Variants in YES1 observed in about 807,000 individuals in gnomAD.
The protein encoded by YES1 is YES proto-oncogene 1, Src family tyrosine kinase.
A neutral mutation model predicts 70.4 loss-of-function variants in YES1; 39 were observed. That is an observed-to-expected ratio of 0.55 (90% CI 0.43 to 0.72). The LOEUF (loss-of-function observed/expected upper bound fraction) is 0.72. Ranked by LOEUF, YES1 falls within the 30% of genes least tolerant of loss-of-function variation. The probability of loss-of-function intolerance (pLI) is 0.00; values close to 1 mark genes in which losing one functional copy is unlikely to be tolerated. For synonymous variants in YES1, 198 were observed against 218.6 expected, an observed-to-expected ratio of 0.91 and a Z score of 0.83; for missense variants, 495 against 644.8, an observed-to-expected ratio of 0.77 and a Z score of 2.52.
chr18:775,916 C>G lies in YES1; in HGVS notation c.-8-19081G>C, dbSNP rs189611397. On this transcript the variant is annotated intron_variant, in intron 1 of 11. Coordinates refer to ENST00000314574, the MANE Select transcript of YES1 (RefSeq NM_005433.4). ...ATCAGGAACAGCTGTACTTTGTTTTCACTTCTGTGTAGCATTCTTTTATAT... is the reference window on the plus strand; with the variant it reads ...ATCAGGAACAGCTGTACTTTGTTTTGACTTCTGTGTAGCATTCTTTTATAT... Among the ~76,000 whole-genome samples the G allele has an allele frequency of 1.3e-3, 204 of 152,212 alleles. 1 individual carries two copies. The highest frequency in any genetic ancestry group is 4.4e-3 in the African/African-American group (184 of 41,536).
chr18:751,828 G>C, intron 2 of YES1, 24 bp from the exon 3 acceptor site: 1 of 1,313,850 alleles, frequency 7.6e-7, no homozygotes, highest in Non-Finnish European at 1.1e-6. Context: ...AAAAGACCAA[G>C]GTAAATTATG....
At chr18:746,703 G>T (rs2080285424) in intron 4 of YES1, among the ~76,000 whole-genome samples, 1 of 152,192 alleles carries the variant, frequency 6.6e-6, no homozygotes, top group Non-Finnish European at 1.5e-5. Flanking sequence ...GTTATAACAT[G>T]AAAATAAAGT....
rs762566113 is a variant in YES1, at chr18:732,800, T to C, written c.1423+34A>G. ...AATAAACTCCTGATAAAGCCACTCA[T>C]GAGATAACCAAGAGCTATAAAATGC... On this transcript the variant is annotated intron_variant, in intron 11 of 11. Coordinates refer to ENST00000314574, the MANE Select transcript of YES1 (RefSeq NM_005433.4). The C allele has an allele frequency of 6.8e-6, 11 of 1,610,264 alleles. No homozygotes were observed. In the African/African-American group the frequency reaches 8.0e-5, roughly 12 times the overall value.
intron 1 of YES1, among the ~76,000 whole-genome samples, chr18:760,156 G>A (rs1166744961): frequency 2.6e-5 from 4 of 152,014 alleles, no homozygotes; most frequent in Non-Finnish European, 4.4e-5. Flanking sequence ...TGTGAATAGT[G>A]CAATCTGGAG....
chr18:755,492 T>C (rs2080395122), intron 2 of YES1, among the ~76,000 whole-genome samples: 1 of 152,156 alleles, frequency 6.6e-6, no homozygotes, highest in Non-Finnish European at 1.5e-5. Flanking sequence ...GCTCAGGCAA[T>C]CTGCCTGCCT....
chr18:801,796 A>C (rs1164947091), intron 1 of YES1, among the ~76,000 whole-genome samples: 1 of 152,146 alleles, frequency 6.6e-6, no homozygotes, highest in Non-Finnish European at 1.5e-5. Flanking sequence ...TAGTGTAATA[A>C]CTCATCTTTT....
At chr18:771,598 G>A (rs1390029390) in intron 1 of YES1, among the ~76,000 whole-genome samples, 1 of 152,092 alleles carries the variant, frequency 6.6e-6, no homozygotes, top group Non-Finnish European at 1.5e-5. Flanking sequence ...ACACAGGCTG[G>A]AGTGCAGTGG....
intron 11 of YES1, among the ~76,000 whole-genome samples, chr18:727,181 T>G (rs2080031043): frequency 6.6e-6 from 1 of 152,190 alleles, no homozygotes; most frequent in Non-Finnish European, 1.5e-5. Flanking sequence ...ATAGCTCATT[T>G]TGGATTTTTG....
At position 722,940 on chromosome 18, in the gene YES1, A is replaced by C. The variant is rs1266136578; in HGVS notation, c.*1484T>G. 3 of 152,228 alleles carry C rather than the reference A, an allele frequency of 2.0e-5. No homozygotes were observed. The highest frequency in any genetic ancestry group is 4.4e-5 in the Non-Finnish European group (3 of 68,118). 9.4% of individuals were successfully genotyped at this position (152,228 alleles called of 1,614,324 possible). ...ACTGCGTCTCTACTAAAAATACAAA[A>C]AACTAGCCAGGCGTGGTGGTGGGCA... On this transcript the variant is annotated 3_prime_UTR_variant, in exon 12 of 12. Transcript: ENST00000314574.
At chr18:756,445 T>C in intron 2 of YES1, 112 bp downstream of exon 2, 1 of 1,363,072 alleles carries the variant, frequency 7.3e-7, no homozygotes, top group South Asian at 1.4e-5. Flanking sequence ...CATACAATTA[T>C]TTGAAAAGTC....
intron 1 of YES1, among the ~76,000 whole-genome samples, chr18:792,536 T>C (rs1906306930): frequency 7.8e-6 from 1 of 127,492 alleles, no homozygotes; most frequent in Non-Finnish European, 1.6e-5. Flanking sequence ...CATCTCTCTC[T>C]CTCTCTCTCT....
rs71174286 is a variant in YES1 at position 763,703 on chromosome 18, CAAAAAA to C, written c.-8-6874_-8-6869del. ...TGGATGACAGAGGAGATCCTGTCTT[CAAAAAA>C]AAAAAAAAAAAAAAAAGACGAGCTG... On this transcript the variant is annotated intron_variant, in intron 1 of 11. Coordinates refer to ENST00000314574, the MANE Select transcript of YES1 (RefSeq NM_005433.4). Among the ~76,000 whole-genome samples, 170 of 63,714 alleles carry C rather than the reference CAAAAAA, an allele frequency of 2.7e-3. No homozygotes were observed. The Middle Eastern group carries it at 0.028, about 11-fold the overall frequency. The allele number at this position is 63,714 out of a possible 152,430, so 41.8% of individuals were successfully genotyped here. A position where few individuals can be genotyped will look rare whatever the true frequency, so the allele number is the denominator to read the frequency against.
intron 1 of YES1, among the ~76,000 whole-genome samples, chr18:776,529 G>C (rs1434131426): frequency 6.6e-6 from 1 of 152,134 alleles, no homozygotes; most frequent in African/African-American, 2.4e-5. Context: ...AGGGTTGTCT[G>C]TCCTTTTCTT....
chr18:763,310 T>C (rs1466307879), intron 1 of YES1, among the ~76,000 whole-genome samples: 1 of 152,124 alleles, frequency 6.6e-6, no homozygotes, highest in East Asian at 1.9e-4. Context: ...ATAATAACTA[T>C]GACAAAAGGA....
At chr18:789,083 A>G (rs1906109275) in intron 1 of YES1, among the ~76,000 whole-genome samples, 3 of 152,194 alleles carry the variant, frequency 2.0e-5, no homozygotes, top group African/African-American at 7.2e-5. Context: ...TTACCTATAC[A>G]TGCTTTAGTT....
At chr18:793,025 T>C (rs1456104213) in intron 1 of YES1, among the ~76,000 whole-genome samples, 1 of 150,518 alleles carries the variant, frequency 6.6e-6, no homozygotes, top group Non-Finnish European at 1.5e-5. Context: ...AGGTTCATTA[T>C]AATTATTATT....
intron 1 of YES1, among the ~76,000 whole-genome samples, chr18:783,203 C>T (rs1182337240): frequency 6.6e-6 from 1 of 152,102 alleles, no homozygotes; most frequent in Non-Finnish European, 1.5e-5. Flanking sequence ...GGCAAAATAG[C>T]TAGACCCCAT....
chr18:752,448 G>A (rs991848260), intron 2 of YES1, among the ~76,000 whole-genome samples: 3 of 152,026 alleles, frequency 2.0e-5, no homozygotes, highest in Non-Finnish European at 4.4e-5. Flanking sequence ...AACATCTCAG[G>A]CTTGGAAATG....
intron 1 of YES1, among the ~76,000 whole-genome samples, chr18:803,895 T>G (rs1302817569): frequency 6.6e-6 from 1 of 152,238 alleles, no homozygotes; most frequent in African/African-American, 2.4e-5. Context: ...TGTGAGGCTT[T>G]TATAAGACTC....
Sources: allele counts gnomAD v4.1 joint callset (sites outside exome capture counted in the v4.1 genomes callset), GRCh38; gene constraint gnomAD v4.1.1; transcripts MANE v1.5; gene names NCBI Gene and HGNC (gene_info 2026-07-23, HGNC 2026-07-21).